PAFAH1B1: variants seen among roughly 807,000 people sequenced by gnomAD.
The protein encoded by PAFAH1B1 is platelet-activating factor acetylhydrolase IB subunit beta.
A neutral mutation model predicts 57.5 loss-of-function variants in PAFAH1B1; 2 were observed. The observed-to-expected ratio is 0.03, with a 90% CI of 0.01 to 0.11. The LOEUF (loss-of-function observed/expected upper bound fraction) is 0.11. PAFAH1B1 is among the 10% of genes least tolerant of loss of function. The pLI, the probability that PAFAH1B1 is intolerant of heterozygous loss-of-function variation, is 1.00. For missense variants in PAFAH1B1, 257 were observed against 512.0 expected (o/e 0.50, Z 4.81); for synonymous variants, 152 against 169.6 (o/e 0.90, Z 0.81).
At position 2,669,082 on chromosome 17, in the gene PAFAH1B1, T is replaced by A; in HGVS notation, c.400-1081T>A. 2.0e-5 allele frequency among the ~76,000 whole-genome samples: 3 copies of A among 152,096 alleles called. 1 individual carries two copies. In the East Asian group the frequency reaches 5.8e-4, roughly 29 times the overall value. On this transcript the variant is annotated intron_variant, in intron 5 of 10. Coordinates refer to ENST00000397195, the MANE Select transcript of PAFAH1B1 (RefSeq NM_000430.4). ...GTCATTCTCATTACATATGATACAG[T>A]CTTACGGGATATCAATTTAATAGAG...
At chr17:2,637,955 CTT>C (rs2068644709) in intron 1 of PAFAH1B1, 142 bp from the exon 2 acceptor site, 2 of 417,726 alleles carry the variant, frequency 4.8e-6, no homozygotes, top group Non-Finnish European at 8.4e-6. Context: ...CATTAGTTGA[CTT>C]TCACTATAAG....
chr17:2,663,851 C>T (rs1219098584), intron 2 of PAFAH1B1, among the ~76,000 whole-genome samples: 9 of 152,094 alleles, frequency 5.9e-5, no homozygotes, highest in African/African-American at 2.2e-4. Context: ...CATACCACCA[C>T]ACCTGGCTAA....
At chr17:2,606,077 A>C (rs1045324269) in intron 1 of PAFAH1B1, among the ~76,000 whole-genome samples, 14 of 152,202 alleles carry the variant, frequency 9.2e-5, no homozygotes, top group African/African-American at 3.1e-4. Context: ...CGATTTTGTT[A>C]AGCTTCACCA....
chr17:2,659,285 T>A (rs929709695), intron 2 of PAFAH1B1, among the ~76,000 whole-genome samples: 27 of 151,816 alleles, frequency 1.8e-4, no homozygotes, highest in Non-Finnish European at 3.1e-4. Flanking sequence ...ACGCCTGTTA[T>A]CCCAGCACTT....
intron 2 of PAFAH1B1, among the ~76,000 whole-genome samples, chr17:2,663,066 T>G (rs1054490375): frequency 3.3e-5 from 5 of 152,038 alleles, no homozygotes; most frequent in Non-Finnish European, 7.4e-5. Flanking sequence ...TGAGCCAAGA[T>G]CACGCCATTG....
intron 8 of PAFAH1B1, among the ~76,000 whole-genome samples, chr17:2,675,537 C>T (rs920791086): frequency 1.3e-5 from 2 of 151,978 alleles, no homozygotes; most frequent in Non-Finnish European, 2.9e-5. Flanking sequence ...TGTGGTGGCT[C>T]ACGCCTGTAA....
chr17:2,649,145 A>G (rs1597551608), intron 2 of PAFAH1B1, among the ~76,000 whole-genome samples: 1 of 149,694 alleles, frequency 6.7e-6, no homozygotes, highest in African/African-American at 2.5e-5. Flanking sequence ...TGAAACTGGG[A>G]GGCAGAGGCT....
chr17:2,596,544 T>TA (rs1325533447), intron 1 of PAFAH1B1, among the ~76,000 whole-genome samples: 1 of 152,170 alleles, frequency 6.6e-6, no homozygotes, highest in Non-Finnish European at 1.5e-5. Context: ...TTCACATGAG[T>TA]AGACATCTTC....
intron 1 of PAFAH1B1, among the ~76,000 whole-genome samples, chr17:2,633,992 G>T: frequency 2.9e-5 from 4 of 138,292 alleles, no homozygotes; most frequent in African/African-American, 5.3e-5. Flanking sequence ...TTAATAGGTT[G>T]GTTCGCTTCA....
intron 1 of PAFAH1B1, among the ~76,000 whole-genome samples, chr17:2,631,397 C>T (rs1482378217): frequency 6.6e-6 from 1 of 152,182 alleles, no homozygotes; most frequent in African/African-American, 2.4e-5. Context: ...AGGCTTCCCA[C>T]CCCATTCAGA....
At chr17:2,601,592 C>T (rs2068144292) in intron 1 of PAFAH1B1, among the ~76,000 whole-genome samples, 1 of 152,070 alleles carries the variant, frequency 6.6e-6, no homozygotes, top group Non-Finnish European at 1.5e-5. Context: ...CAGGTGCCTG[C>T]CGGCATACCT....
chr17:2,656,676 CTATTA>C (rs902301338), intron 2 of PAFAH1B1, among the ~76,000 whole-genome samples: 2 of 152,088 alleles, frequency 1.3e-5, no homozygotes, highest in African/African-American at 4.8e-5. Context: ...CTGGGGATGC[CTATTA>C]TGAATATGAC....
At chr17:2,633,835 G>C (rs962442334) in intron 1 of PAFAH1B1, among the ~76,000 whole-genome samples, 2 of 151,770 alleles carry the variant, frequency 1.3e-5, no homozygotes, top group African/African-American at 4.8e-5. Flanking sequence ...TTTACCTCTT[G>C]AACTGTTACT....
intron 7 of PAFAH1B1, chr17:2,673,669 T>C (rs1309950213): frequency 5.2e-6 from 1 of 193,144 alleles, no homozygotes; most frequent in South Asian, 9.1e-5. Context: ...AAATAATCTT[T>C]GTGCTGGTAT....
At chr17:2,669,873 C>T (rs947584327) in intron 5 of PAFAH1B1, among the ~76,000 whole-genome samples, 2 of 151,960 alleles carry the variant, frequency 1.3e-5, no homozygotes, top group Non-Finnish European at 2.9e-5. Flanking sequence ...AGACAGGGAG[C>T]GGACTATGTC....
chr17:2,594,549 C>T (rs2068063440), intron 1 of PAFAH1B1, among the ~76,000 whole-genome samples: 1 of 152,208 alleles, frequency 6.6e-6, no homozygotes, highest in Admixed American at 6.5e-5. Flanking sequence ...GCATTCCGTC[C>T]CCGACTGGTC....
Position 2,678,413 on chromosome 17 carries a change from A to C in PAFAH1B1, c.1003-1751A>C, listed in dbSNP as rs868491607. Among the ~76,000 whole-genome samples, 12 of 146,302 alleles carry C rather than the reference A, an allele frequency of 8.2e-5. No individual in the cohort carries two copies. In the Middle Eastern group the frequency reaches 0.018, roughly 216 times the overall value. ...GTGAAACCATCTCAAAAAAAAAAAA[A>C]AAAAAACCCGGGCATGGTGGCGCAC... On this transcript the variant is annotated intron_variant, in intron 9 of 10. Transcript: ENST00000397195.
At chr17:2,671,370 G>A (rs1321779080) in intron 6 of PAFAH1B1, among the ~76,000 whole-genome samples, 2 of 151,834 alleles carry the variant, frequency 1.3e-5, no homozygotes, top group South Asian at 2.1e-4. Context: ...CACCACGCCC[G>A]TCTAATTTTT....
At chr17:2,594,538 G>A (rs2068063154) in intron 1 of PAFAH1B1, among the ~76,000 whole-genome samples, 1 of 152,186 alleles carries the variant, frequency 6.6e-6, no homozygotes, top group South Asian at 2.1e-4. Flanking sequence ...GGGCCTTCCA[G>A]GCATTCCGTC....
Sources: allele counts gnomAD v4.1 joint callset (sites outside exome capture counted in the v4.1 genomes callset), GRCh38; gene constraint gnomAD v4.1.1; transcripts MANE v1.5; gene names NCBI Gene and HGNC (gene_info 2026-07-23, HGNC 2026-07-21).